SLC25A40: variants seen among roughly 807,000 people sequenced by gnomAD.
The protein encoded by SLC25A40 is solute carrier family 25 member 40, also known as mitochondrial glutathione transporter SLC25A40.
In SLC25A40, 41 loss-of-function variants were observed where a neutral mutation model predicts 46.5. That is an observed-to-expected ratio of 0.88 (90% CI 0.69 to 1.14). The LOEUF (loss-of-function observed/expected upper bound fraction) is 1.14, where lower values mean the gene tolerates loss of function less well. SLC25A40 is among the 50% of genes most tolerant of loss of function. The pLI, the probability that SLC25A40 is intolerant of heterozygous loss-of-function variation, is 0.00. For synonymous variants in SLC25A40, 126 were observed against 127.5 expected (o/e 0.99, Z 0.08); for missense variants, 386 against 393.6 (o/e 0.98, Z 0.16).
chr7:87,848,091 T>C, intron 6 of SLC25A40, 114 bp from the exon 7 acceptor site: 2 of 1,206,010 alleles, frequency 1.7e-6, no homozygotes, highest in Non-Finnish European at 2.2e-6. Flanking sequence ...TTGTGTAAGC[T>C]AAAAACTACA....
At chr7:87,846,392 TA>T (rs1347146886) in intron 8 of SLC25A40, among the ~76,000 whole-genome samples, 3 of 152,182 alleles carry the variant, frequency 2.0e-5, no homozygotes, top group African/African-American at 7.2e-5. Flanking sequence ...GAAATGCCAC[TA>T]AAGTAGGCAC....
Position 87,865,767 on chromosome 7 carries a change from G to A in SLC25A40, c.-93-5127C>T, listed in dbSNP as rs141620771. Among the ~76,000 whole-genome samples the A allele has an allele frequency of 3.0e-3, 448 of 151,460 alleles. 3 individuals are homozygous for A. The highest frequency in any genetic ancestry group is 9.9e-3 in the African/African-American group (408 of 41,266). ...AGTTTGGGTGACACAGTGAGACTCC[G>A]TCTCGGGGGGAAAAAAAAAGAATAT... is the stretch of plus-strand genomic sequence containing the variant. On this transcript the variant is annotated intron_variant, in intron 1 of 11. Transcript: ENST00000341119.
intron 1 of SLC25A40, among the ~76,000 whole-genome samples, chr7:87,863,053 T>C (rs1838732430): frequency 6.6e-6 from 1 of 152,224 alleles, no homozygotes; most frequent in Non-Finnish European, 1.5e-5. Context: ...ATGCTTAACA[T>C]CTCTGCATAT....
At chr7:87,838,325 C>T (rs983608528) in intron 10 of SLC25A40, among the ~76,000 whole-genome samples, 8 of 151,042 alleles carry the variant, frequency 5.3e-5, no homozygotes, top group Non-Finnish European at 8.9e-5. Context: ...GAACTCATGC[C>T]CCAAACTAGT....
chr7:87,872,836 C>A (rs1395261770), intron 1 of SLC25A40, among the ~76,000 whole-genome samples: 1 of 152,116 alleles, frequency 6.6e-6, no homozygotes, highest in Non-Finnish European at 1.5e-5. Flanking sequence ...GTGGCAGGCG[C>A]CTGTAATTTA....
chr7:87,836,136 A>G lies in SLC25A40; in HGVS notation c.*113T>C. ...AGAGCTGAAATTATTTATTTAAATT[A>G]TAGGAAAGAAAGACATAAAATCATT... On this transcript the variant is annotated 3_prime_UTR_variant, in exon 12 of 12. Coordinates refer to ENST00000341119, the MANE Select transcript of SLC25A40 (RefSeq NM_018843.4). 1 of 563,820 alleles carries G rather than the reference A, an allele frequency of 1.8e-6. No individual in the cohort carries two copies. The highest frequency in any genetic ancestry group is 3.1e-6 in the Non-Finnish European group (1 of 322,200). The allele number at this position is 563,820 out of a possible 1,614,324, so 34.9% of individuals were successfully genotyped here. A position where few individuals can be genotyped will look rare whatever the true frequency, so the allele number is the denominator to read the frequency against.
In SLC25A40 at chr7:87,835,372, A is replaced by C. The variant is rs1403927620; in HGVS notation, c.*877T>G. 3 of 151,654 alleles carry C rather than the reference A, an allele frequency of 2.0e-5. No individual in the cohort carries two copies. The highest frequency in any genetic ancestry group is 4.8e-5 in the African/African-American group (2 of 41,388). 9.4% of individuals were successfully genotyped at this position (151,654 alleles called of 1,614,324 possible). A position where few individuals can be genotyped will look rare whatever the true frequency, so the allele number is the denominator to read the frequency against. ...AGCAATAATCTGTCTTGTTAGAACAACACAATAAAAATGACCTAGAGAATT... is the reference window on the plus strand; with the variant it reads ...AGCAATAATCTGTCTTGTTAGAACACCACAATAAAAATGACCTAGAGAATT... On this transcript the variant is annotated 3_prime_UTR_variant, in exon 12 of 12. Coordinates refer to ENST00000341119, the MANE Select transcript of SLC25A40 (RefSeq NM_018843.4).
At chr7:87,868,789 A>AAGGATT (rs1838847267) in intron 1 of SLC25A40, among the ~76,000 whole-genome samples, 1 of 152,120 alleles carries the variant, frequency 6.6e-6, no homozygotes, top group Non-Finnish European at 1.5e-5. Context: ...GGTTTTTATG[A>AAGGATT]AGGCTTCATG....
intron 9 of SLC25A40, among the ~76,000 whole-genome samples, chr7:87,843,250 G>C (rs1235261781): frequency 6.6e-6 from 1 of 151,954 alleles, no homozygotes; most frequent in Non-Finnish European, 1.5e-5. Context: ...AGGAAGGTGT[G>C]GAAAAAGATA....
chr7:87,854,989 A>C (rs1838585539), intron 4 of SLC25A40, among the ~76,000 whole-genome samples: 1 of 151,604 alleles, frequency 6.6e-6, no homozygotes, highest in African/African-American at 2.4e-5. Context: ...GTGAGCCTCC[A>C]TCTCTACAAA....
intron 1 of SLC25A40, among the ~76,000 whole-genome samples, chr7:87,867,376 C>G (rs1838820704): frequency 6.6e-6 from 1 of 152,174 alleles, no homozygotes; most frequent in Non-Finnish European, 1.5e-5. Context: ...ATCCATTCTG[C>G]TGTTCACAGT....
chr7:87,846,841 G>A, intron 8 of SLC25A40, 108 bp downstream of exon 8: 2 of 907,578 alleles, frequency 2.2e-6, no homozygotes, highest in African/African-American at 1.7e-5. Flanking sequence ...GGTCACTATA[G>A]AAAATAACTT....
chr7:87,874,889 A>C (rs1020416073), intron 1 of SLC25A40, among the ~76,000 whole-genome samples: 1 of 152,140 alleles, frequency 6.6e-6, no homozygotes, highest in Non-Finnish European at 1.5e-5. Flanking sequence ...CTTATAATCA[A>C]TTCTCTTATT....
intron 1 of SLC25A40, among the ~76,000 whole-genome samples, chr7:87,870,359 G>C (rs1002056782): frequency 2.0e-5 from 3 of 151,912 alleles, no homozygotes; most frequent in African/African-American, 4.8e-5. Context: ...ATGATAAAAC[G>C]TCACTTTCAA....
chr7:87,845,243 AG>A (rs67815804), intron 8 of SLC25A40, among the ~76,000 whole-genome samples: 3,052 of 152,304 alleles, frequency 0.02, 112 homozygotes, highest in African/African-American at 0.07. Context: ...ACGACACTGC[AG>A]ATCCCTGAAG....
chr7:87,867,457 C>G (rs1261329207), intron 1 of SLC25A40, among the ~76,000 whole-genome samples: 1 of 152,102 alleles, frequency 6.6e-6, no homozygotes. Flanking sequence ...CAATTTCAAT[C>G]TGTTTAATTT....
chr7:87,856,316 C>T lies in SLC25A40; in HGVS notation c.133G>A (p.Ala45Thr), dbSNP rs1452919677. Reference protein sequence around the residue: ...PLDVVKIRLQAQNNPLPKGKC... With the variant: ...PLDVVKIRLQTQNNPLPKGKC... ...CCTTTGGGGAGTGGGTTGTTTTGGG[C>T]TTGGAGTCTAATTTTAACAACATCC... The change falls in exon 4 of 12, where the codon GCC becomes ACC. Residue 45 changes from alanine (A) to threonine (T), a missense_variant. By Grantham distance (58) the Ala-to-Thr change is moderately conservative. Transcript: ENST00000341119. The T allele has an allele frequency of 1.9e-6, 3 of 1,612,820 alleles. No individual in the cohort carries two copies. Among genetic ancestry groups the T allele is most frequent in the Non-Finnish European group, 2.5e-6 (3 of 1,179,410 alleles).
chr7:87,856,379 G>A (rs752325594), intron 3 of SLC25A40, 28 bp from the exon 4 acceptor site: 35 of 1,553,796 alleles, frequency 2.3e-5, no homozygotes, highest in Admixed American at 5.0e-5. Flanking sequence ...GTTTCAATTA[G>A]CGAGTGGTAT....
intron 9 of SLC25A40, among the ~76,000 whole-genome samples, chr7:87,842,468 C>A (rs765129920): frequency 6.6e-6 from 1 of 151,910 alleles, no homozygotes; most frequent in Non-Finnish European, 1.5e-5. Context: ...CACATTTGGC[C>A]AATATGGTCA....
Sources: gnomAD v4.1 joint callset for allele counts (sites outside exome capture counted in the v4.1 genomes callset) on GRCh38, gnomAD v4.1.1 for gene constraint, MANE v1.5 for transcripts, NCBI Gene and HGNC (gene_info 2026-07-23, HGNC 2026-07-21) for gene names.